Variants in ERICH1 observed in about 807,000 individuals in gnomAD.
ERICH1 encodes glutamate-rich protein 1.
ERICH1 carries 56 observed loss-of-function variants against 39.6 expected under a neutral mutation model. The observed-to-expected ratio is 1.41, with a 90% CI of 1.14 to 1.77. The LOEUF (loss-of-function observed/expected upper bound fraction) is 1.77. ERICH1 is among the 40% of genes most tolerant of loss of function. The probability of loss-of-function intolerance (pLI) is 0.00; values close to 1 mark genes in which losing one functional copy is unlikely to be tolerated. For synonymous variants in ERICH1, 313 were observed against 223.6 expected (o/e 1.40, Z -3.57); for missense variants, 826 against 575.4 (o/e 1.44, Z -4.45).
intron 3 of ERICH1, among the ~76,000 whole-genome samples, chr8:677,437 C>A (rs1805104003): frequency 1.3e-5 from 2 of 152,222 alleles, no homozygotes; most frequent in South Asian, 4.1e-4. Context: ...GCTCCGCACA[C>A]AGTCCCAAGA....
intron 3 of ERICH1, among the ~76,000 whole-genome samples, chr8:655,649 CTGT>C (rs1800547748): frequency 6.8e-6 from 1 of 146,960 alleles, no homozygotes; most frequent in Admixed American, 6.9e-5. Context: ...TGTATTCATT[CTGT>C]CCTCTGCATT....
intron 1 of ERICH1, among the ~76,000 whole-genome samples, chr8:726,279 GACAC>G (rs746876485): frequency 1.3e-5 from 2 of 152,176 alleles, no homozygotes; most frequent in African/African-American, 4.8e-5. Context: ...ACCACACAAG[GACAC>G]ACACAGACAC....
Position 635,624 on chromosome 8 carries a change from G to A in ERICH1, c.977-20340C>T, listed in dbSNP as rs776193600. Among the ~76,000 whole-genome samples the A allele has an allele frequency of 1.1e-3, 168 of 152,338 alleles. 1 individual carries two copies. Among genetic ancestry groups the A allele is most frequent in the Non-Finnish European group, 2.0e-3 (133 of 68,028 alleles). The stretch of plus-strand genomic sequence containing the variant: ...CCTGCCAGAGGACCCTGCGGGATGT[G>A]TCCAGGGACTCCCAGCAACCCGTCC... On this transcript the variant is annotated intron_variant, in intron 3 of 3. Transcript: ENST00000522706.
intron 2 of ERICH1, among the ~76,000 whole-genome samples, chr8:700,715 TGGGAG>T (rs1487505177): frequency 1.5e-4 from 23 of 152,096 alleles, no homozygotes; most frequent in Non-Finnish European, 2.8e-4. Flanking sequence ...TGCTCAGCGG[TGGGAG>T]GTCCTGCCCC....
At chr8:629,101 C>T (rs1025922063) in intron 3 of ERICH1, among the ~76,000 whole-genome samples, 2 of 152,178 alleles carry the variant, frequency 1.3e-5, no homozygotes, top group Non-Finnish European at 2.9e-5. Flanking sequence ...TCATTAGGGA[C>T]AAGCTCCTTT....
intron 3 of ERICH1, chr8:627,224 C>T (rs1434565583): frequency 4.4e-6 from 2 of 456,222 alleles, no homozygotes; most frequent in East Asian, 1.4e-4. Context: ...GCTCTCTGAG[C>T]TTCAGACTTC....
intron 1 of ERICH1, among the ~76,000 whole-genome samples, chr8:718,371 TA>T (rs1357666983): frequency 1.3e-5 from 2 of 151,196 alleles, no homozygotes; most frequent in African/African-American, 2.4e-5. Flanking sequence ...GAATGTGCCT[TA>T]AAAAAAAAGA....
intron 1 of ERICH1, among the ~76,000 whole-genome samples, chr8:730,782 C>T (rs1819804909): frequency 6.6e-6 from 1 of 152,214 alleles, no homozygotes; most frequent in Admixed American, 6.5e-5. Context: ...ACCCCGGAGC[C>T]CTGGGCTAGG....
intron 1 of ERICH1, among the ~76,000 whole-genome samples, chr8:724,927 A>G (rs1460560308): frequency 1.3e-5 from 2 of 152,066 alleles, no homozygotes; most frequent in Admixed American, 6.5e-5. Flanking sequence ...CGGCTGCCCC[A>G]TTGTGGCCTC....
At chr8:701,869 A>G (rs969221647) in intron 2 of ERICH1, among the ~76,000 whole-genome samples, 2 of 152,098 alleles carry the variant, frequency 1.3e-5, no homozygotes, top group Non-Finnish European at 2.9e-5. Flanking sequence ...AGGCAAGCAG[A>G]TCAAGAGGTC....
At chr8:650,858 G>A (rs547262932) in intron 3 of ERICH1, among the ~76,000 whole-genome samples, 3 of 152,324 alleles carry the variant, frequency 2.0e-5, no homozygotes, top group South Asian at 2.1e-4. Context: ...TGAAAGGTCC[G>A]ACTGAGAGCC....
chr8:679,145 C>T (rs1805525402), intron 3 of ERICH1, among the ~76,000 whole-genome samples: 1 of 150,224 alleles, frequency 6.7e-6, no homozygotes, highest in South Asian at 2.1e-4. Context: ...CCCGTCAAAG[C>T]TCCGGCCCCT....
chr8:679,465 C>T (rs944427767), intron 3 of ERICH1, among the ~76,000 whole-genome samples: 3 of 151,626 alleles, frequency 2.0e-5, no homozygotes, highest in Non-Finnish European at 2.9e-5. Context: ...ACAGCACCCA[C>T]CCCTCGCAGC....
intron 3 of ERICH1, 29 bp downstream of exon 3, chr8:692,449 T>A: frequency 8.1e-6 from 13 of 1,613,912 alleles, no homozygotes; most frequent in Non-Finnish European, 1.1e-5. Flanking sequence ...TGCAAAGATG[T>A]CTACCTTTCC....
chr8:701,013 G>A (rs536692346), intron 2 of ERICH1, among the ~76,000 whole-genome samples: 12 of 152,246 alleles, frequency 7.9e-5, no homozygotes, highest in Non-Finnish European at 8.8e-5. Flanking sequence ...GCAGCATCAC[G>A]GACAATGTGA....
chr8:673,724 C>T lies in ERICH1; in HGVS notation c.628G>A (p.Gly210Ser), dbSNP rs1804006367. The change falls in exon 4 of 6, where the codon GGT (glycine) becomes AGT (serine). Residue 210 changes from glycine to serine, a missense_variant. Physicochemically the swap from Gly to Ser is moderately conservative, Grantham distance 56 (BLOSUM62 0). Coordinates refer to ENST00000262109, the MANE Select transcript of ERICH1 (RefSeq NM_207332.3). ...GGGTCTTCCTCGCTGGTGTCCACAC[C>T]ATCCTCCTCACAAGCCTCTCCCACG... ...EGVGEACEED[G>S]VDTSEEDPTL... 1 of 1,614,192 alleles carries T rather than the reference C, an allele frequency of 6.2e-7. No homozygotes were observed. Among genetic ancestry groups the T allele is most frequent in the South Asian group, 1.1e-5 (1 of 91,092 alleles).
intron 3 of ERICH1, among the ~76,000 whole-genome samples, chr8:635,166 A>G (rs1302486257): frequency 2.0e-5 from 3 of 151,784 alleles, no homozygotes; most frequent in Non-Finnish European, 4.4e-5. Flanking sequence ...TGACCATTTC[A>G]TGGTGACCTC....
intron 3 of ERICH1, among the ~76,000 whole-genome samples, 198 bp downstream of exon 3, chr8:692,280 T>G (rs1809071173): frequency 6.6e-6 from 1 of 152,222 alleles, no homozygotes; most frequent in African/African-American, 2.4e-5. Flanking sequence ...TTTTTTCCTG[T>G]CATTACAAGT....
chr8:715,954 C>T lies in ERICH1; in HGVS notation c.76G>A (p.Gly26Arg), dbSNP rs746525048. The T allele has an allele frequency of 5.6e-6, 9 of 1,614,004 alleles. No homozygotes were observed. The South Asian group carries it at 8.8e-5, about 16-fold the overall frequency. The change falls in exon 2 of 6, where the codon GGA becomes AGA. Residue 26 changes from glycine (G) to arginine (R), a missense_variant. By Grantham distance (125) the Gly-to-Arg change is moderately radical. Transcript: ENST00000262109. Reference sequence around the variant, plus strand: ...GCCAGCGTCTGGGGTTCCCTCTTTCCTTGGCCACTTGGAACAGGAGGAAAA... The same window carrying T: ...GCCAGCGTCTGGGGTTCCCTCTTTCTTTGGCCACTTGGAACAGGAGGAAAA... ...RLFPPVPSGQ[G>R]KREPQTLAVQ...
Sources: allele counts gnomAD v4.1 joint callset (sites outside exome capture counted in the v4.1 genomes callset), GRCh38; gene constraint gnomAD v4.1.1; transcripts MANE v1.5; gene names NCBI Gene and HGNC (gene_info 2026-07-23, HGNC 2026-07-21).